HS1BP3: variants seen among roughly 807,000 people sequenced by gnomAD.
The protein encoded by HS1BP3 is HCLS1 binding protein 3.
In HS1BP3, 32 loss-of-function variants were observed where a neutral mutation model predicts 33.5. The ratio of observed to expected loss-of-function variants is 0.95; its 90% CI spans 0.72 to 1.28. HS1BP3 has a LOEUF of 1.28. HS1BP3 is among the 50% of genes most tolerant of loss of function. The probability of loss-of-function intolerance (pLI) is 0.00; values close to 1 mark genes in which losing one functional copy is unlikely to be tolerated. For synonymous variants in HS1BP3, 187 were observed against 209.2 expected, an observed-to-expected ratio of 0.89 and a Z score of 0.92; for missense variants, 486 against 502.3, an observed-to-expected ratio of 0.97 and a Z score of 0.31.
chr2:20,568,446 G>A (rs949799861), intron 5 of HS1BP3, among the ~76,000 whole-genome samples: 2 of 152,140 alleles, frequency 1.3e-5, no homozygotes, highest in East Asian at 1.9e-4. Flanking sequence ...CTGGGCCGCC[G>A]TCAGGCTTCA....
chr2:20,647,873 C>A (rs547687228), intron 1 of HS1BP3, among the ~76,000 whole-genome samples: 1 of 152,160 alleles, frequency 6.6e-6, no homozygotes, highest in African/African-American at 2.4e-5. Flanking sequence ...CTGCAGGCCC[C>A]GGGGTGTGCC....
downstream of HS1BP3, among the ~76,000 whole-genome samples, chr2:20,558,776 A>G (rs556086660): frequency 2.6e-5 from 4 of 152,098 alleles, no homozygotes; most frequent in South Asian, 8.3e-4. Flanking sequence ...CCAGAGACAG[A>G]CTCAGCCCTC....
chr2:20,622,482 A>T, intron 6 of HS1BP3: 1 of 410,134 alleles, frequency 2.4e-6, no homozygotes, highest in Non-Finnish European at 4.7e-6. Context: ...ATGAATGAGA[A>T]CGTGAAGTGC....
chr2:20,559,138 G>A (rs1052568808), downstream of HS1BP3, among the ~76,000 whole-genome samples: 22 of 152,160 alleles, frequency 1.4e-4, no homozygotes, highest in African/African-American at 5.1e-4. Context: ...TAGGAACTGG[G>A]GCCAGAGAGG....
intron 6 of HS1BP3, 33 bp downstream of exon 6, chr2:20,623,863 A>G: frequency 6.3e-7 from 1 of 1,599,836 alleles, no homozygotes; most frequent in Non-Finnish European, 8.5e-7. Flanking sequence ...ACACTCTCAG[A>G]GCTGGCCAAG....
intron 1 of HS1BP3, among the ~76,000 whole-genome samples, chr2:20,649,143 A>G (rs1221133169): frequency 6.6e-6 from 1 of 152,144 alleles, no homozygotes; most frequent in Non-Finnish European, 1.5e-5. Context: ...GCCCTATTGC[A>G]CTTGAAATTA....
intron 5 of HS1BP3, among the ~76,000 whole-genome samples, chr2:20,583,555 G>A (rs7574045): frequency 0.04 from 6,087 of 151,592 alleles, 429 homozygotes; most frequent in African/African-American, 0.14. Flanking sequence ...GCCTGGCACC[G>A]CTCCTTCCAG....
downstream of HS1BP3, among the ~76,000 whole-genome samples, chr2:20,557,315 CT>C (rs1692864679): frequency 6.6e-6 from 1 of 152,176 alleles, no homozygotes; most frequent in African/African-American, 2.4e-5. Flanking sequence ...AGACAAAGAC[CT>C]GTATTTTCCA....
Position 20,618,694 on chromosome 2 carries a change from T to C in HS1BP3, c.*293A>G, listed in dbSNP as rs3732152. 3.3e-6 allele frequency: 4 copies of C among 1,212,338 alleles called. No individual in the cohort carries two copies. The highest frequency in any genetic ancestry group is 3.7e-5 in the East Asian group (1 of 26,800). 75.1% of individuals were successfully genotyped at this position (1,212,338 alleles called of 1,614,324 possible). ...TCTTGCTTCATCCTTGGGGCTGGGC[T>C]TCTGGTTGGCAAGGCATCCCCACAC... On this transcript the variant is annotated 3_prime_UTR_variant, in exon 7 of 7. Transcript: ENST00000304031.
chr2:20,624,169 T>C (rs1274802443), intron 5 of HS1BP3, 138 bp from the exon 6 acceptor site: 3 of 1,098,530 alleles, frequency 2.7e-6, no homozygotes, highest in Admixed American at 3.0e-5. Context: ...CTGTCATAAC[T>C]GGTGCTGCTT....
downstream of HS1BP3, among the ~76,000 whole-genome samples, chr2:20,560,029 A>C (rs6714202): frequency 0.71 from 107,253 of 152,126 alleles, 42,039 homozygotes; most frequent in Non-Finnish European, 0.86. Context: ...CAGCTTGCAC[A>C]CTGGGGAAGC....
At chr2:20,622,116 C>T (rs1294852061) in intron 6 of HS1BP3, 3 of 1,179,474 alleles carry the variant, frequency 2.5e-6, no homozygotes, top group African/African-American at 3.2e-5. Context: ...TCAGTGTACA[C>T]CCCACGCGGC....
In HS1BP3 at chr2:20,611,542, G is replaced by A. The variant is rs1261435115; in HGVS notation, c.178+12354C>T. ...GCTGGGAGAGCTGTTGTTGCTCTGA[G>A]TGTGGGGTGAGCTGGAATGTACTCC... On this transcript the variant is annotated intron_variant, in intron 2 of 3. Coordinates refer to the HS1BP3 transcript ENST00000415264. This position sits in a 1 kb window ranked among gnomAD's most constrained non-coding sequence, Gnocchi z 4.9. 6.6e-6 allele frequency among the ~76,000 whole-genome samples: 1 copy of A among 152,210 alleles called. No homozygotes were observed. The highest frequency in any genetic ancestry group is 1.5e-5 in the Non-Finnish European group (1 of 68,028).
chr2:20,554,248 T>G, the HS1BP3 span, among the ~76,000 whole-genome samples: 1 of 152,182 alleles, frequency 6.6e-6, no homozygotes, highest in African/African-American at 2.4e-5. Flanking sequence ...GTGCCTCACT[T>G]GTAAGATGTG....
intron 5 of HS1BP3, among the ~76,000 whole-genome samples, chr2:20,581,259 TCTGTATTAGTGTTCTATTTAGTGTTCTA>T: frequency 6.6e-6 from 1 of 152,218 alleles, no homozygotes; most frequent in Non-Finnish European, 1.5e-5. Flanking sequence ...TATCTCACTG[TCTGTATTAGTGTTCTATTTAGTGTTCTA>T]TTGTTACATT....
downstream of HS1BP3, among the ~76,000 whole-genome samples, chr2:20,559,681 T>C (rs886070583): frequency 6.9e-6 from 1 of 145,344 alleles, no homozygotes; most frequent in African/African-American, 2.5e-5. Context: ...GGTGGATGAA[T>C]GGATGGGTAG....
At chr2:20,568,867 C>T (rs910694956) in intron 5 of HS1BP3, among the ~76,000 whole-genome samples, 2 of 152,212 alleles carry the variant, frequency 1.3e-5, no homozygotes, top group African/African-American at 4.8e-5. Flanking sequence ...TTGGGACCTC[C>T]CAAGGGACTC....
Position 20,619,012 on chromosome 2 carries a change from G to A in HS1BP3, c.1154C>T (p.Ala385Val). 1.2e-6 allele frequency: 2 copies of A among 1,614,132 alleles called. No individual in the cohort carries two copies. The highest frequency in any genetic ancestry group is 1.1e-5 in the South Asian group (1 of 91,084). ...TCAGAAGAGGCTGGGGGCGGCCTGG[G>A]CTGGTGTATCGTGGTCCTGGATGTA... The part of the protein sequence containing the change: ...LQYIQDHDTP[A>V]QAAPSLF The change falls in exon 7 of 7, where the codon GCC (alanine) becomes GTC (valine). Residue 385 changes from alanine (A) to valine (V), a missense_variant. Coordinates refer to ENST00000304031, the MANE Select transcript of HS1BP3 (RefSeq NM_022460.4).
chr2:20,638,863 G>A (rs566260329), intron 3 of HS1BP3, among the ~76,000 whole-genome samples: 33 of 152,206 alleles, frequency 2.2e-4, no homozygotes, highest in Non-Finnish European at 2.8e-4. Flanking sequence ...CCAAGTGCCT[G>A]CTGCAGCCCC....
Sources: gnomAD v4.1 joint callset for allele counts (sites outside exome capture counted in the v4.1 genomes callset) on GRCh38, gnomAD v4.1.1 for gene constraint, Gnocchi (gnomAD v3.1) non-coding constraint, MANE v1.5 for transcripts, NCBI Gene and HGNC (gene_info 2026-07-23, HGNC 2026-07-21) for gene names.